The following MYO1F variants were observed in gnomAD, a reference collection of about 807,000 sequenced individuals.
MYO1F encodes the protein unconventional myosin-If.
Under a neutral mutation model 146.6 loss-of-function variants are expected in MYO1F, and 60 were observed. The observed-to-expected ratio is 0.41, with a 90% CI of 0.33 to 0.51. The LOEUF (loss-of-function observed/expected upper bound fraction) is 0.51. Ranked by LOEUF, MYO1F falls within the 20% of genes least tolerant of loss-of-function variation. MYO1F has a pLI of 0.25. For synonymous variants in MYO1F, 602 were observed against 602.1 expected (o/e 1.00, Z 0.00); for missense variants, 1,274 against 1,534.3 (o/e 0.83, Z 2.83).
At chr19:8,536,121 C>T (rs920361958) in intron 19 of MYO1F, 131 bp downstream of exon 19, 8 of 1,200,670 alleles carry the variant, frequency 6.7e-6, no homozygotes, top group Non-Finnish European at 9.5e-6. Flanking sequence ...ATCTGTTTCT[C>T]AATTTCTCAA....
At position 8,574,642 on chromosome 19, in the gene MYO1F, TTTC is replaced by T. The variant is rs1177689299; in HGVS notation, c.3+2662_3+2664del. Reference sequence around the variant, plus strand: ...CTTTCTTTCTTTCTTTCTTTCTTTCTTTCCTTTCTTTCTCTTTCTTCTTTCTCT... The same window carrying T: ...CTTTCTTTCTTTCTTTCTTTCTTTCTCTTTCTTTCTCTTTCTTCTTTCTCT... On this transcript the variant is annotated intron_variant, in intron 1 of 27. Coordinates refer to ENST00000644032, the MANE Select transcript of MYO1F (RefSeq NM_012335.4). 9.4e-5 allele frequency among the ~76,000 whole-genome samples: 5 copies of T among 53,098 alleles called. No individual in the cohort carries two copies. The South Asian group carries it at 2.9e-3, about 31-fold the overall frequency. The allele number at this position is 53,098 out of a possible 152,430, so 34.8% of individuals were successfully genotyped here. A position where few individuals can be genotyped will look rare whatever the true frequency, so the allele number is the denominator to read the frequency against.
In MYO1F at chr19:8,551,775, C is replaced by T. The variant is rs199790449; in HGVS notation, c.736G>A (p.Gly246Ser). 6.4e-5 allele frequency: 104 copies of T among 1,614,150 alleles called. No homozygotes were observed. The highest frequency in any genetic ancestry group is 7.4e-5 in the Non-Finnish European group (87 of 1,180,038). The part of the protein sequence containing the change: ...LNQSDTYQVD[G>S]TDDRSDFGET... ...CCAAAGTCGCTTCTGTCGTCCGTGC[C>T]GTCCACCTGGTAGGTGTCCGATTGG... The change falls in exon 8 of 28, where the codon GGC becomes AGC. Residue 246 changes from glycine to serine, a missense_variant. Gly to Ser is a moderately conservative substitution (Grantham distance 56). This residue lies in a region of MYO1F where 900 missense variants were observed against 1,155.1 expected (regional missense o/e 0.78). Coordinates refer to ENST00000644032, the MANE Select transcript of MYO1F (RefSeq NM_012335.4).
intron 23 of MYO1F, 70 bp downstream of exon 23, chr19:8,526,719 C>G (rs1275273599): frequency 6.5e-7 from 1 of 1,537,262 alleles, no homozygotes; most frequent in Non-Finnish European, 8.8e-7. Context: ...TCGGCCGGGT[C>G]GGTGGGGCGG....
chr19:8,561,375 T>TCCCTTCCTTCCC (rs1555729019), intron 1 of MYO1F, among the ~76,000 whole-genome samples: 1 of 62,122 alleles, frequency 1.6e-5, no homozygotes, highest in Non-Finnish European at 3.1e-5. Context: ...CCTCCCTCCC[T>TCCCTTCCTTCCC]CCCTTCCCCC....
chr19:8,574,992 G>A (rs2042211226), intron 1 of MYO1F, among the ~76,000 whole-genome samples: 1 of 151,432 alleles, frequency 6.6e-6, no homozygotes, highest in Admixed American at 6.6e-5. Flanking sequence ...TTGACCTCAG[G>A]TGATCCGCCC....
chr19:8,550,561 C>G lies in MYO1F; in HGVS notation c.904+1G>C. ...CAGCCCTCCCTGATACCCACACTCA[C>G]GGTCCACACTCTCCACTCGGGCGTA... is the stretch of plus-strand genomic sequence containing the variant. On this transcript the variant is annotated splice_donor_variant, in intron 9 of 27. Coordinates refer to ENST00000644032, the MANE Select transcript of MYO1F (RefSeq NM_012335.4). LOFTEE classifies it high-confidence loss of function. 6.2e-7 allele frequency: 1 copy of G among 1,614,132 alleles called. No individual in the cohort carries two copies. Among genetic ancestry groups the G allele is most frequent in the Non-Finnish European group, 8.5e-7 (1 of 1,180,016 alleles).
Position 8,568,374 on chromosome 19 carries a change from G to A in MYO1F, c.3+8933C>T, listed in dbSNP as rs2042045058. Among the ~76,000 whole-genome samples the A allele has an allele frequency of 2.2e-5, 3 of 133,404 alleles. No individual in the cohort carries two copies. The Admixed American group carries it at 2.6e-4, about 12-fold the overall frequency. 87.5% of individuals were successfully genotyped at this position (133,404 alleles called of 152,430 possible). A position where few individuals can be genotyped will look rare whatever the true frequency, so the allele number is the denominator to read the frequency against. ...GGAGGCGGAGCTTGCAGTGAGCTGA[G>A]ATGGTGCCACTGCAGTCCGGCCTGG... On this transcript the variant is annotated intron_variant, in intron 1 of 27. Coordinates refer to ENST00000644032, the MANE Select transcript of MYO1F (RefSeq NM_012335.4).
intron 1 of MYO1F, chr19:8,576,624 CA>C: frequency 6.4e-6 from 1 of 157,238 alleles, no homozygotes; most frequent in South Asian, 1.7e-4. Context: ...ACTTGACAGG[CA>C]GCAACACCTC....
intron 12 of MYO1F, among the ~76,000 whole-genome samples, chr19:8,547,456 T>C (rs1318041077): frequency 6.6e-6 from 1 of 151,304 alleles, no homozygotes; most frequent in East Asian, 2.0e-4. Flanking sequence ...ATACAAAAAT[T>C]AGCTGGGCAT....
chr19:8,553,907 C>CTCTCTCTCTCTCTCGCTCTCTT (rs1973727811), intron 4 of MYO1F, among the ~76,000 whole-genome samples: 5 of 150,986 alleles, frequency 3.3e-5, no homozygotes, highest in African/African-American at 9.7e-5. Flanking sequence ...CTCTCTCTCT[C>CTCTCTCTCTCTCTCGCTCTCTT]TCTCTCTCTC....
At chr19:8,560,310 C>T (rs187445902) in intron 1 of MYO1F, among the ~76,000 whole-genome samples, 418 of 151,724 alleles carry the variant, frequency 2.8e-3, no homozygotes, top group African/African-American at 9.6e-3. Flanking sequence ...TGGTGAAACC[C>T]CATCTCTACT....
At chr19:8,537,874 C>G (rs965580914) in intron 16 of MYO1F, among the ~76,000 whole-genome samples, 1 of 152,064 alleles carries the variant, frequency 6.6e-6, no homozygotes. Flanking sequence ...GATTACAGGT[C>G]TGAGCCACTG....
intron 27 of MYO1F, 146 bp from the exon 28 acceptor site, chr19:8,521,750 G>T: frequency 2.7e-6 from 2 of 745,510 alleles, no homozygotes; most frequent in Non-Finnish European, 4.7e-6. Context: ...TCCTGCCTCA[G>T]CCTCCCAAAG....
In MYO1F at chr19:8,527,451, C is replaced by T; in HGVS notation, c.2361G>A (p.Lys787=). 6.2e-7 allele frequency: 1 copy of T among 1,614,106 alleles called. No individual in the cohort carries two copies. The highest frequency in any genetic ancestry group is 8.5e-7 in the Non-Finnish European group (1 of 1,180,018). ...TCTCTCGCCCAATCACATACACACA[C>T]TTGGGCGTCAGGATCAAGTCCCGCT... ...PIKRDLILTP[K]CVYVIGREKV... Residue 787 remains lysine, a synonymous_variant, in exon 22 of 28, where the codon AAG becomes AAA. Transcript: ENST00000644032.
At chr19:8,533,118 C>T (rs374329487) in intron 19 of MYO1F, among the ~76,000 whole-genome samples, 19 of 151,380 alleles carry the variant, frequency 1.3e-4, no homozygotes, top group Non-Finnish European at 1.9e-4. Flanking sequence ...TGCAGTGGTG[C>T]GATCTCGGCT....
chr19:8,526,575 C>A lies in MYO1F; in HGVS notation c.2648G>T (p.Gly883Val). 6.3e-7 allele frequency: 1 copy of A among 1,598,052 alleles called. No homozygotes were observed. The highest frequency in any genetic ancestry group is 8.5e-7 in the Non-Finnish European group (1 of 1,174,452). The change falls in exon 24 of 28, where the codon GGC (glycine) becomes GTC (valine). Residue 883 changes from glycine (G) to valine (V), a missense_variant. Gly to Val is a moderately radical substitution (Grantham distance 109, BLOSUM62 -3). This residue lies in a region of MYO1F where 374 missense variants were observed against 379.2 expected (regional missense o/e 0.99). Transcript: ENST00000644032. ...GCTGCGGGTGCCGCCACCGCCCCAG[C>A]CCTCCTTCTTCACCCGAAACTGTAG... is the stretch of plus-strand genomic sequence containing the variant. ...DTLQFRVKKE[G>V]WGGGGTRSVT...
At chr19:8,548,189 G>A (rs758799346) in intron 11 of MYO1F, 48 bp downstream of exon 11, 1 of 1,613,178 alleles carries the variant, frequency 6.2e-7, no homozygotes, top group Admixed American at 1.7e-5. Context: ...GGCCACCCTG[G>A]GCTGCCCCAG....
At chr19:8,525,656 C>T in intron 24 of MYO1F, 94 bp from the exon 25 acceptor site, 1 of 1,069,162 alleles carries the variant, frequency 9.4e-7, no homozygotes. Context: ...CGCCGCACCC[C>T]GCCCCCTCAG....
At chr19:8,574,627 T>C (rs140951629) in intron 1 of MYO1F, among the ~76,000 whole-genome samples, 2,919 of 52,706 alleles carry the variant, frequency 0.055, 48 homozygotes, top group East Asian at 0.092. Flanking sequence ...CTTTCTTTCT[T>C]TCTTTCTTTC....
Sources: gnomAD v4.1 joint callset for allele counts (sites outside exome capture counted in the v4.1 genomes callset) on GRCh38, gnomAD v4.1.1 for gene constraint, gnomAD v4.1.1 regional missense constraint, MANE v1.5 for transcripts, NCBI Gene and HGNC (gene_info 2026-07-23, HGNC 2026-07-21) for gene names.